The following FAM81A variants were observed in gnomAD, a reference collection of about 807,000 sequenced individuals.
The protein encoded by FAM81A is family with sequence similarity 81 member A.
Under a neutral mutation model 46.7 loss-of-function variants are expected in FAM81A, and 19 were observed. That is an observed-to-expected ratio of 0.41 (90% CI 0.28 to 0.60). The LOEUF is 0.60. FAM81A is among the 20% of genes least tolerant of loss of function. FAM81A has a pLI of 0.34. For missense variants in FAM81A, 377 were observed against 453.5 expected, an observed-to-expected ratio of 0.83 and a Z score of 1.53; for synonymous variants, 183 against 152.9, an observed-to-expected ratio of 1.20 and a Z score of -1.45.
chr15:59,516,124 T>C (rs1418031169), intron 7 of FAM81A, among the ~76,000 whole-genome samples: 1 of 150,088 alleles, frequency 6.7e-6, no homozygotes. Flanking sequence ...TTGAATGTAG[T>C]GGTTTTTTTT....
At chr15:59,427,947 A>G (rs562008874) in intron 2 of FAM81A, among the ~76,000 whole-genome samples, 1 of 152,322 alleles carries the variant, frequency 6.6e-6, no homozygotes, top group African/African-American at 2.4e-5. Flanking sequence ...GGGTCATATG[A>G]TAGCTCTATT....
At chr15:59,450,612 TGG>T (rs1234125294) in intron 1 of FAM81A, among the ~76,000 whole-genome samples, 5 of 152,086 alleles carry the variant, frequency 3.3e-5, no homozygotes, top group Non-Finnish European at 7.4e-5. Flanking sequence ...ATGGTATCTC[TGG>T]GGGATTTTAT....
intron 3 of FAM81A, among the ~76,000 whole-genome samples, chr15:59,479,271 G>A (rs994272183): frequency 1.2e-4 from 19 of 152,072 alleles, no homozygotes; most frequent in African/African-American, 4.6e-4. Flanking sequence ...CAGCACTTTT[G>A]GGAGGCCGAG....
chr15:59,485,286 T>C (rs1339546205), intron 3 of FAM81A, among the ~76,000 whole-genome samples: 1 of 152,184 alleles, frequency 6.6e-6, no homozygotes, highest in South Asian at 2.1e-4. Flanking sequence ...AGCCATGTAG[T>C]GATTACAGCA....
At chr15:59,452,348 T>C (rs1178922304) in intron 1 of FAM81A, among the ~76,000 whole-genome samples, 1 of 152,200 alleles carries the variant, frequency 6.6e-6, no homozygotes, top group Non-Finnish European at 1.5e-5. Context: ...CACACAGGCA[T>C]TAAAGATGGT....
At chr15:59,508,448 T>G (rs1207827859) in intron 5 of FAM81A, among the ~76,000 whole-genome samples, 1 of 152,202 alleles carries the variant, frequency 6.6e-6, no homozygotes, top group East Asian at 1.9e-4. Context: ...ACTGGTGACC[T>G]GACTTGTTAT....
chr15:59,514,947 T>C (rs1330646733), intron 7 of FAM81A, among the ~76,000 whole-genome samples: 1 of 152,118 alleles, frequency 6.6e-6, no homozygotes, highest in East Asian at 1.9e-4. Context: ...TCAAAAACGA[T>C]ATCAAGAAAG....
chr15:59,422,636 T>C (rs1232124085), intron 2 of FAM81A, among the ~76,000 whole-genome samples: 2 of 151,808 alleles, frequency 1.3e-5, no homozygotes, highest in Non-Finnish European at 2.9e-5. Context: ...GCCACCACGC[T>C]CAGCTAATTT....
Position 59,492,320 on chromosome 15 carries a change from A to C in FAM81A, c.344A>C (p.Asn115Thr), listed in dbSNP as rs781019421. 5 of 1,613,768 alleles carry C rather than the reference A, an allele frequency of 3.1e-6. No homozygotes were observed. The Admixed American group carries it at 5.0e-5, about 16-fold the overall frequency. The change falls in exon 4 of 9, where the codon AAT becomes ACT. Residue 115 changes from asparagine (N) to threonine (T), a missense_variant. Coordinates refer to ENST00000288228, the MANE Select transcript of FAM81A (RefSeq NM_152450.3). ...CGGGACAACATTAGCTATGGAACTA[A>C]TTCTGCCTTAAAGACCCTGGAGATG... The part of the protein sequence containing the change: ...RARDNISYGT[N>T]SALKTLEMRQ...
intron 2 of FAM81A, among the ~76,000 whole-genome samples, chr15:59,419,669 T>A (rs757638053): frequency 3.3e-5 from 5 of 151,874 alleles, no homozygotes; most frequent in Non-Finnish European, 7.4e-5. Flanking sequence ...AAGTCAGGAG[T>A]TCGAGACCAG....
At chr15:59,466,698 C>G (rs1239448191) in intron 3 of FAM81A, among the ~76,000 whole-genome samples, 3 of 152,162 alleles carry the variant, frequency 2.0e-5, no homozygotes, top group African/African-American at 7.2e-5. Context: ...TGTGCAGAAG[C>G]TCTTTAGTTT....
chr15:59,458,528 T>G (rs1321200517), intron 1 of FAM81A, 22 bp from the exon 2 acceptor site: 1 of 1,557,024 alleles, frequency 6.4e-7, no homozygotes, highest in Non-Finnish European at 8.8e-7. Context: ...GTTAAATAAT[T>G]TAGTGCTTAT....
intron 2 of FAM81A, 40 bp downstream of exon 2, chr15:59,458,686 G>T: frequency 1.9e-6 from 3 of 1,567,532 alleles, no homozygotes; most frequent in Non-Finnish European, 2.6e-6. Flanking sequence ...GGGGCTGCTA[G>T]TGGGTGTGAT....
exon 2 of FAM81A, chr15:59,402,301 C>G (rs907359317): frequency 9.5e-5 from 15 of 157,402 alleles, no homozygotes; most frequent in Middle Eastern, 6.4e-3. Context: ...GCCTTCAACT[C>G]CAGCAAGGAT....
At chr15:59,423,777 T>G (rs140897874) in intron 2 of FAM81A, among the ~76,000 whole-genome samples, 1 of 152,362 alleles carries the variant, frequency 6.6e-6, no homozygotes, top group African/African-American at 2.4e-5. Flanking sequence ...AGACTTATAT[T>G]TAATTACTCA....
chr15:59,466,380 T>G (rs992371442), intron 3 of FAM81A, among the ~76,000 whole-genome samples: 4 of 152,228 alleles, frequency 2.6e-5, no homozygotes, highest in Admixed American at 1.3e-4. Context: ...GTTTCCTGAC[T>G]TTTTAATGAT....
chr15:59,455,830 A>T (rs1337008729), intron 1 of FAM81A, among the ~76,000 whole-genome samples: 2 of 152,208 alleles, frequency 1.3e-5, no homozygotes, highest in South Asian at 2.1e-4. Context: ...TCAGATACTT[A>T]TTGAGTGTCT....
chr15:59,398,598 A>G (rs2081056818), intron 1 of FAM81A, among the ~76,000 whole-genome samples: 1 of 151,608 alleles, frequency 6.6e-6, no homozygotes, highest in African/African-American at 2.4e-5. Context: ...GTCTCTATCA[A>G]AAAAAGAAAA....
chr15:59,470,431 T>C (rs1179694482), intron 3 of FAM81A, among the ~76,000 whole-genome samples: 1 of 152,246 alleles, frequency 6.6e-6, no homozygotes, highest in Non-Finnish European at 1.5e-5. Context: ...TAACCTTGTC[T>C]TCTTCCTTTA....
Sources: allele counts gnomAD v4.1 joint callset (sites outside exome capture counted in the v4.1 genomes callset), GRCh38; gene constraint gnomAD v4.1.1; transcripts MANE v1.5; gene names NCBI Gene and HGNC (gene_info 2026-07-23, HGNC 2026-07-21).